ETS1: variants seen among roughly 807,000 people sequenced by gnomAD.
ETS1 encodes the protein ETS proto-oncogene 1, transcription factor, also known as protein C-ets-1.
ETS1 carries 15 observed loss-of-function variants against 58.6 expected under a neutral mutation model. The ratio of observed to expected loss-of-function variants is 0.26; its 90% confidence interval spans 0.17 to 0.39. The LOEUF is 0.39. Among genes scored for constraint, ETS1 ranks in the 10% least tolerant of loss-of-function variants. ETS1 has a pLI of 1.00. For missense variants in ETS1, 417 were observed against 610.5 expected (o/e 0.68, Z 3.34); for synonymous variants, 214 against 218.2 (o/e 0.98, Z 0.17).
intron 3 of ETS1, among the ~76,000 whole-genome samples, chr11:128,517,967 T>C (rs1483387616): frequency 1.3e-5 from 2 of 152,236 alleles, no homozygotes; most frequent in African/African-American, 4.8e-5. Flanking sequence ...AGATGCTTTA[T>C]AATAACTGGA....
At position 128,459,706 on chromosome 11, in the gene ETS1, G is replaced by GA. The variant is rs1565359932; in HGVS notation, c.*2654dup. On this transcript the variant is annotated 3_prime_UTR_variant, in exon 10 of 10. Coordinates refer to ENST00000392668, the MANE Select transcript of ETS1 (RefSeq NM_001143820.2). ...TGGTCTCTGGCCTTTGGACAAAGGA[G>GA]AAAAAACATCTGGCCAGATCGACAA... 6.5e-6 allele frequency: 1 copy of GA among 152,798 alleles called. No individual in the cohort carries two copies. Among genetic ancestry groups the GA allele is most frequent in the Non-Finnish European group, 1.5e-5 (1 of 68,040 alleles). 9.5% of individuals were successfully genotyped at this position (152,798 alleles called of 1,614,324 possible).
At chr11:128,496,844 C>A (rs530253309) in intron 3 of ETS1, among the ~76,000 whole-genome samples, 16 of 152,210 alleles carry the variant, frequency 1.1e-4, no homozygotes, top group Non-Finnish European at 2.2e-4. Flanking sequence ...AAGGTTAATG[C>A]AAAGAAGGGA....
intron 3 of ETS1, among the ~76,000 whole-genome samples, chr11:128,540,320 C>CAAAA (rs112191021): frequency 2.0e-4 from 17 of 83,350 alleles, no homozygotes; most frequent in African/African-American, 3.5e-4. Context: ...AATTCCATCT[C>CAAAA]AAAAAAAAAA....
chr11:128,568,536 C>T (rs1372021052), intron 2 of ETS1, among the ~76,000 whole-genome samples: 1 of 152,228 alleles, frequency 6.6e-6, no homozygotes, highest in Non-Finnish European at 1.5e-5. Flanking sequence ...AATGACCAGA[C>T]AACTTCCCAA....
At chr11:128,557,263 G>T (rs1250929365) in intron 2 of ETS1, among the ~76,000 whole-genome samples, 1 of 152,180 alleles carries the variant, frequency 6.6e-6, no homozygotes, top group Non-Finnish European at 1.5e-5. Flanking sequence ...AGCTACTCGG[G>T]AGGCTAAGGC....
intron 3 of ETS1, among the ~76,000 whole-genome samples, chr11:128,493,915 C>T (rs1862870254): frequency 6.6e-6 from 1 of 152,156 alleles, no homozygotes; most frequent in Non-Finnish European, 1.5e-5. Flanking sequence ...TCAATATACT[C>T]ATCAAAAACA....
At chr11:128,522,738 G>A (rs976799384) in intron 3 of ETS1, among the ~76,000 whole-genome samples, 1 of 152,226 alleles carries the variant, frequency 6.6e-6, no homozygotes, top group African/African-American at 2.4e-5. Flanking sequence ...TAGCAGCATA[G>A]TTTTCCAAGT....
chr11:128,462,657 G>A, intron 9 of ETS1, 81 bp from the exon 10 acceptor site: 1 of 994,686 alleles, frequency 1.0e-6, no homozygotes, highest in East Asian at 2.4e-5. Context: ...CTATGCCTAT[G>A]CTATACCCAT....
Position 128,461,506 on chromosome 11 carries a change from C to T in ETS1, c.*855G>A, listed in dbSNP as rs1861904263. On this transcript the variant is annotated 3_prime_UTR_variant, in exon 10 of 10. Coordinates refer to ENST00000392668, the MANE Select transcript of ETS1 (RefSeq NM_001143820.2). ...GATAACAAGTAAGTAAAGGGATGTGCTAATTTTTTTTAATTGTAGATGACA... is the reference window on the plus strand; with the variant it reads ...GATAACAAGTAAGTAAAGGGATGTGTTAATTTTTTTTAATTGTAGATGACA... The T allele has an allele frequency of 6.6e-6, 1 of 152,642 alleles. No individual in the cohort carries two copies. The highest frequency in any genetic ancestry group is 2.1e-4 in the South Asian group (1 of 4,818). 9.5% of individuals were successfully genotyped at this position (152,642 alleles called of 1,614,324 possible). A position where few individuals can be genotyped will look rare whatever the true frequency, so the allele number is the denominator to read the frequency against.
At chr11:128,462,936 CAG>C (rs1182580186) in intron 9 of ETS1, among the ~76,000 whole-genome samples, 1 of 152,204 alleles carries the variant, frequency 6.6e-6, no homozygotes, top group Admixed American at 6.5e-5. Flanking sequence ...TGAAATCTAA[CAG>C]GGAAGTGTGA....
chr11:128,571,501 C>CCAGCCTGGGCGACAGAGCG (rs1864630611), intron 2 of ETS1, among the ~76,000 whole-genome samples: 2 of 32,896 alleles, frequency 6.1e-5, no homozygotes, highest in African/African-American at 2.4e-4. Context: ...AAGACTCCGT[C>CCAGCCTGGGCGACAGAGCG]AAAAAAAAAA....
chr11:128,482,059 C>T (rs964120529), intron 7 of ETS1, among the ~76,000 whole-genome samples: 2 of 152,180 alleles, frequency 1.3e-5, no homozygotes, highest in African/African-American at 4.8e-5. Flanking sequence ...ACCCAGTCCA[C>T]TAGCAAAAGG....
At chr11:128,584,974 GAAAGAAAGAAAGA>G (rs1864948695) in intron 1 of ETS1, among the ~76,000 whole-genome samples, 1 of 23,882 alleles carries the variant, frequency 4.2e-5, no homozygotes, top group South Asian at 8.3e-4. Context: ...AAGAAAGAAA[GAAAGAAAGAAAGA>G]AAGGAAGGAA....
At chr11:128,462,625 G>T in intron 9 of ETS1, 49 bp from the exon 10 acceptor site, 1 of 1,427,912 alleles carries the variant, frequency 7.0e-7, no homozygotes, top group Non-Finnish European at 9.9e-7. Flanking sequence ...AAATCTACAA[G>T]ACAGGCCAAA....
At position 128,461,404 on chromosome 11, in the gene ETS1, A is replaced by C. The variant is rs962694273; in HGVS notation, c.*957T>G. Reference sequence around the variant, plus strand: ...CCTACGTTTACTGTCGTCCAAAACCAGGGATGCAAAATACATTCAGTTCAA... The same window carrying C: ...CCTACGTTTACTGTCGTCCAAAACCCGGGATGCAAAATACATTCAGTTCAA... On this transcript the variant is annotated 3_prime_UTR_variant, in exon 10 of 10. Coordinates refer to ENST00000392668, the MANE Select transcript of ETS1 (RefSeq NM_001143820.2). The C allele has an allele frequency of 6.5e-6, 1 of 152,804 alleles. No individual in the cohort carries two copies. The highest frequency in any genetic ancestry group is 2.4e-5 in the African/African-American group (1 of 41,458). The allele number at this position is 152,804 out of a possible 1,614,324, so 9.5% of individuals were successfully genotyped here. A position where few individuals can be genotyped will look rare whatever the true frequency, so the allele number is the denominator to read the frequency against.
intron 3 of ETS1, among the ~76,000 whole-genome samples, chr11:128,500,141 G>C (rs181655244): frequency 6.6e-6 from 1 of 152,142 alleles, no homozygotes; most frequent in South Asian, 2.1e-4. Flanking sequence ...GGCCATGGGG[G>C]TAGCCGCCAA....
At chr11:128,513,987 AT>A (rs1411538468) in intron 3 of ETS1, among the ~76,000 whole-genome samples, 1 of 152,216 alleles carries the variant, frequency 6.6e-6, no homozygotes, top group African/African-American at 2.4e-5. Context: ...CACAACTCTA[AT>A]TGCACACAAA....
intron 8 of ETS1, 115 bp downstream of exon 8, chr11:128,480,076 G>C: frequency 7.3e-7 from 1 of 1,364,594 alleles, no homozygotes; most frequent in South Asian, 1.4e-5. Context: ...TCTCCCCCGT[G>C]CCCTGCAAAA....
At chr11:128,492,525 G>A (rs1241915380) in intron 3 of ETS1, among the ~76,000 whole-genome samples, 1 of 151,536 alleles carries the variant, frequency 6.6e-6, no homozygotes. Context: ...GGGTTGCCCT[G>A]GGACATGCCC....
Sources: gnomAD v4.1 joint callset for allele counts (sites outside exome capture counted in the v4.1 genomes callset) on GRCh38, gnomAD v4.1.1 for gene constraint, MANE v1.5 for transcripts, NCBI Gene and HGNC (gene_info 2026-07-23, HGNC 2026-07-21) for gene names.